TMTC2: variants seen among roughly 807,000 people sequenced by gnomAD.
The protein encoded by TMTC2 is transmembrane O-mannosyltransferase targeting cadherins 2.
A neutral mutation model predicts 82.4 loss-of-function variants in TMTC2; 43 were observed. That is an observed-to-expected ratio of 0.52 (90% CI 0.41 to 0.67). The LOEUF is 0.67. Among genes scored for constraint, TMTC2 ranks in the 30% least tolerant of loss-of-function variants. The pLI is 0.00. For missense variants in TMTC2, 919 were observed against 1,012.4 expected (o/e 0.91, Z 1.25); for synonymous variants, 408 against 381.9 (o/e 1.07, Z -0.80).
At chr12:82,957,509 G>A (rs1294907415) in intron 4 of TMTC2, among the ~76,000 whole-genome samples, 1 of 151,930 alleles carries the variant, frequency 6.6e-6, no homozygotes, top group Admixed American at 6.6e-5. Flanking sequence ...GGCAGAAGAA[G>A]AAAGGAAATA....
At chr12:83,059,018 G>T (rs1174350774) in intron 10 of TMTC2, among the ~76,000 whole-genome samples, 1 of 151,742 alleles carries the variant, frequency 6.6e-6, no homozygotes, top group Non-Finnish European at 1.5e-5. Flanking sequence ...CCTGGATAGA[G>T]GATTTAGAAA....
chr12:82,772,807 C>G (rs1369988564), intron 1 of TMTC2, among the ~76,000 whole-genome samples: 1 of 152,060 alleles, frequency 6.6e-6, no homozygotes, highest in Admixed American at 6.5e-5. Context: ...TATTTAAATT[C>G]TACGTTGGGT....
rs116618199 is a variant in TMTC2 at position 83,057,251 on chromosome 12, T to C, written c.2268-4517T>C. 9.5e-3 allele frequency among the ~76,000 whole-genome samples: 1,441 copies of C among 152,052 alleles called. 27 individuals carry two copies. The highest frequency in any genetic ancestry group is 0.033 in the African/African-American group (1,366 of 41,520). Reference sequence around the variant, plus strand: ...GTTTGAGGCCGTGAAAGAATAGTCTTAAACTGTCATGGGGCATCAAGGAAT... The same window carrying C: ...GTTTGAGGCCGTGAAAGAATAGTCTCAAACTGTCATGGGGCATCAAGGAAT... On this transcript the variant is annotated intron_variant, in intron 10 of 11. Coordinates refer to ENST00000321196, the MANE Select transcript of TMTC2 (RefSeq NM_152588.3).
At chr12:82,734,323 C>T (rs1476909814) in intron 1 of TMTC2, among the ~76,000 whole-genome samples, 1 of 152,128 alleles carries the variant, frequency 6.6e-6, no homozygotes, top group Non-Finnish European at 1.5e-5. Context: ...AGATCAGTTT[C>T]CAAGCCTTTC....
chr12:83,060,733 A>G (rs1882710447), intron 10 of TMTC2, among the ~76,000 whole-genome samples: 1 of 151,778 alleles, frequency 6.6e-6, no homozygotes, highest in South Asian at 2.1e-4. Context: ...GGTCTTCTGA[A>G]GCAGCACGAT....
intron 3 of TMTC2, among the ~76,000 whole-genome samples, chr12:82,915,547 C>T (rs1159671699): frequency 6.6e-6 from 1 of 152,104 alleles, no homozygotes; most frequent in Non-Finnish European, 1.5e-5. Context: ...CATTAGGTGG[C>T]AGGAACATAC....
chr12:82,962,921 C>T lies in TMTC2; in HGVS notation c.1599-2103C>T, dbSNP rs538135245. Among the ~76,000 whole-genome samples the T allele has an allele frequency of 1.2e-4, 18 of 151,982 alleles. No homozygotes were observed. In the South Asian group the frequency reaches 3.3e-3, roughly 28 times the overall value. ...TTTTTCATTCTGTGTAGGAGGGTCT[C>T]AAGAAGAGACTGGTCTCCCAGGAGC... On this transcript the variant is annotated intron_variant, in intron 4 of 11. Coordinates refer to ENST00000321196, the MANE Select transcript of TMTC2 (RefSeq NM_152588.3).
intron 1 of TMTC2, among the ~76,000 whole-genome samples, chr12:82,716,520 T>G (rs1047499262): frequency 6.6e-6 from 1 of 151,968 alleles, no homozygotes. Flanking sequence ...CGCGCCACCA[T>G]GCCCGGCTAA....
Position 83,079,524 on chromosome 12 carries a change from A to T in TMTC2, c.2331+17693A>T, listed in dbSNP as rs143693342. Among the ~76,000 whole-genome samples, 14 of 152,224 alleles carry T rather than the reference A, an allele frequency of 9.2e-5. No homozygotes were observed. The East Asian group carries it at 2.7e-3, about 29-fold the overall frequency. On this transcript the variant is annotated intron_variant, in intron 11 of 11. Transcript: ENST00000321196. Reference sequence around the variant, plus strand: ...AAACCATTTATTGTATTTTTGTTATAATAGATTTTACCTTCTACAACTGTT... The same window carrying T: ...AAACCATTTATTGTATTTTTGTTATTATAGATTTTACCTTCTACAACTGTT...
chr12:83,120,726 C>T (rs951568181), intron 11 of TMTC2, among the ~76,000 whole-genome samples: 5 of 152,124 alleles, frequency 3.3e-5, no homozygotes, highest in Non-Finnish European at 7.3e-5. Flanking sequence ...AAGTTTTCCT[C>T]GATTATTCCC....
intron 2 of TMTC2, among the ~76,000 whole-genome samples, chr12:82,859,175 C>G (rs946457796): frequency 6.6e-6 from 1 of 151,236 alleles, no homozygotes; most frequent in Non-Finnish European, 1.5e-5. Context: ...TCAAGCAATT[C>G]TCCTGCCTCA....
chr12:83,002,544 T>A (rs1879974004), intron 8 of TMTC2, among the ~76,000 whole-genome samples: 1 of 152,172 alleles, frequency 6.6e-6, no homozygotes, highest in Admixed American at 6.5e-5. Flanking sequence ...ATATAGGCAT[T>A]TAGCACTGTA....
At chr12:83,031,116 G>GT (rs576756993) in intron 9 of TMTC2, among the ~76,000 whole-genome samples, 65 of 151,718 alleles carry the variant, frequency 4.3e-4, no homozygotes, top group South Asian at 2.9e-3. Flanking sequence ...TTACACAGTT[G>GT]TTTTTTTTCA....
chr12:83,090,041 CT>C (rs1021891119), intron 11 of TMTC2, among the ~76,000 whole-genome samples: 1 of 152,048 alleles, frequency 6.6e-6, no homozygotes, highest in Non-Finnish European at 1.5e-5. Flanking sequence ...TTTTTTCTGT[CT>C]TTATTTTCAC....
At chr12:83,037,523 T>G (rs1390186053) in intron 9 of TMTC2, among the ~76,000 whole-genome samples, 2 of 152,204 alleles carry the variant, frequency 1.3e-5, no homozygotes, top group African/African-American at 4.8e-5. Flanking sequence ...AAAAAATCAA[T>G]GTTTAGTGTC....
chr12:82,940,345 A>G (rs1235257818), intron 4 of TMTC2, among the ~76,000 whole-genome samples: 1 of 151,604 alleles, frequency 6.6e-6, no homozygotes, highest in Non-Finnish European at 1.5e-5. Context: ...ATTTCTTTCA[A>G]TTTTCAAGAT....
At chr12:82,810,819 C>T (rs762183580) in intron 1 of TMTC2, among the ~76,000 whole-genome samples, 1 of 152,100 alleles carries the variant, frequency 6.6e-6, no homozygotes. Flanking sequence ...GTGCTCTTCC[C>T]CCTTAGCTGG....
intron 1 of TMTC2, among the ~76,000 whole-genome samples, chr12:82,799,399 A>G (rs1878885669): frequency 6.6e-6 from 1 of 152,166 alleles, no homozygotes; most frequent in African/African-American, 2.4e-5. Flanking sequence ...GGAAAGGTAG[A>G]AAAGAAAGAT....
chr12:83,086,499 C>T (rs1438076483), intron 11 of TMTC2, among the ~76,000 whole-genome samples: 1 of 152,116 alleles, frequency 6.6e-6, no homozygotes, highest in African/African-American at 2.4e-5. Flanking sequence ...GCTGTGTGAC[C>T]TTGGGCATCG....
Sources: allele counts gnomAD v4.1 joint callset (sites outside exome capture counted in the v4.1 genomes callset), GRCh38; gene constraint gnomAD v4.1.1; transcripts MANE v1.5; gene names NCBI Gene and HGNC (gene_info 2026-07-23, HGNC 2026-07-21).